Variants in TP63 observed in about 807,000 individuals in gnomAD.
The protein encoded by TP63 is tumor protein 63.
TP63 carries 17 observed loss-of-function variants against 82.8 expected under a neutral mutation model. That is an observed-to-expected ratio of 0.21 (90% confidence interval 0.14 to 0.31). The LOEUF (loss-of-function observed/expected upper bound fraction) is 0.31. TP63 is among the 10% of genes least tolerant of loss of function. TP63 has a pLI of 1.00. For missense variants in TP63, 648 were observed against 895.3 expected (o/e 0.72, Z 3.52); for synonymous variants, 330 against 321.7 (o/e 1.03, Z -0.28).
chr3:189,840,907 C>A (rs924342491), intron 4 of TP63, among the ~76,000 whole-genome samples: 14 of 150,066 alleles, frequency 9.3e-5, no homozygotes, highest in African/African-American at 3.4e-4. Flanking sequence ...CAATAACCTT[C>A]TTGGGCTTTG....
At chr3:189,684,075 C>T (rs1297767125) in intron 1 of TP63, among the ~76,000 whole-genome samples, 2 of 152,090 alleles carry the variant, frequency 1.3e-5, no homozygotes, top group Non-Finnish European at 2.9e-5. Context: ...TAAGAGAAAA[C>T]CCACAGCATG....
At chr3:189,881,536 C>G (rs1228459444) in intron 10 of TP63, 2 of 984,230 alleles carry the variant, frequency 2.0e-6, no homozygotes, top group Non-Finnish European at 2.4e-6. Flanking sequence ...CACTTTTTTT[C>G]CACTAAATAC....
At chr3:189,754,446 A>G (rs918151827) in intron 3 of TP63, among the ~76,000 whole-genome samples, 4 of 152,170 alleles carry the variant, frequency 2.6e-5, no homozygotes, top group Admixed American at 6.5e-5. Flanking sequence ...ATCTTTAAAT[A>G]GATATTAAAC....
At chr3:189,599,003 A>G in the TP63 span, among the ~76,000 whole-genome samples, 761 of 152,342 alleles carry the variant, frequency 5.0e-3, 5 homozygotes, top group Admixed American at 7.1e-3. Context: ...ACAGCAAAGC[A>G]GAGGCTGAAG....
At chr3:189,724,151 T>C (rs1719602699) in intron 1 of TP63, among the ~76,000 whole-genome samples, 2 of 152,002 alleles carry the variant, frequency 1.3e-5, no homozygotes, top group Admixed American at 6.6e-5. Flanking sequence ...GCTGTATAAA[T>C]TAAGCCATTC....
chr3:189,822,643 T>C (rs1728915502), intron 4 of TP63, among the ~76,000 whole-genome samples: 1 of 152,188 alleles, frequency 6.6e-6, no homozygotes, highest in African/African-American at 2.4e-5. Context: ...CCTTCAATAA[T>C]TGTTTCAGAA....
At chr3:189,835,069 T>C (rs1712936966) in intron 4 of TP63, among the ~76,000 whole-genome samples, 2 of 152,142 alleles carry the variant, frequency 1.3e-5, no homozygotes, top group South Asian at 4.1e-4. Context: ...ATGCAGTCCC[T>C]AATTCACTTT....
the TP63 span, among the ~76,000 whole-genome samples, chr3:189,597,826 G>A: frequency 3.3e-5 from 5 of 151,986 alleles, no homozygotes; most frequent in South Asian, 2.1e-4. Flanking sequence ...TACTCTGCAG[G>A]CTGAGTTAGG....
chr3:189,643,927 C>CT (rs1712162967), intron 1 of TP63, among the ~76,000 whole-genome samples: 1 of 152,106 alleles, frequency 6.6e-6, no homozygotes, highest in East Asian at 1.9e-4. Context: ...ATTTACTGAC[C>CT]TTTATGACAA....
At chr3:189,875,887 G>A (rs939380979) in intron 10 of TP63, among the ~76,000 whole-genome samples, 1 of 151,800 alleles carries the variant, frequency 6.6e-6, no homozygotes, top group Admixed American at 6.6e-5. Flanking sequence ...AGAAAGTGAG[G>A]CATGCCCATC....
rs145903587 is a variant in TP63, at chr3:189,743,086, A to T, written c.324+4312A>T. Among the ~76,000 whole-genome samples, 323 of 152,332 alleles carry T rather than the reference A, an allele frequency of 2.1e-3. 1 individual carries two copies. The highest frequency in any genetic ancestry group is 3.8e-3 in the Non-Finnish European group (261 of 68,020). On this transcript the variant is annotated intron_variant, in intron 3 of 13. Transcript: ENST00000264731. The stretch of plus-strand genomic sequence containing the variant: ...ACATAAACTTTAAAAATTATAATTC[A>T]TAACAAAAGCTTAATAACCCCAATA...
At chr3:189,866,615 A>C in intron 5 of TP63, 67 bp from the exon 6 acceptor site, 1 of 1,414,136 alleles carries the variant, frequency 7.1e-7, no homozygotes, top group Non-Finnish European at 9.9e-7. Flanking sequence ...CTGTTCATGC[A>C]ATTTCATTTT....
chr3:189,757,552 G>A (rs563445133), intron 3 of TP63, among the ~76,000 whole-genome samples: 2 of 152,286 alleles, frequency 1.3e-5, no homozygotes, highest in East Asian at 3.9e-4. Flanking sequence ...TTTAGACTGT[G>A]TTAAATTTGG....
Position 189,895,730 on chromosome 3 carries a change from T to A in TP63, c.*1228T>A. The A allele has an allele frequency of 4.4e-6, 1 of 229,002 alleles. No homozygotes were observed. The highest frequency in any genetic ancestry group is 8.7e-6 in the Non-Finnish European group (1 of 115,548). The allele number at this position is 229,002 out of a possible 1,614,324, so 14.2% of individuals were successfully genotyped here. ...TGGTAAATGTTTCTTTTAAAGACCC[T>A]CCTATTCTATAAAACTCTGCATGTA... On this transcript the variant is annotated 3_prime_UTR_variant, in exon 14 of 14. Transcript: ENST00000264731.
At chr3:189,706,467 G>C (rs927568086) in intron 1 of TP63, among the ~76,000 whole-genome samples, 4 of 152,092 alleles carry the variant, frequency 2.6e-5, no homozygotes, top group Admixed American at 1.3e-4. Context: ...TGTTGGCCAG[G>C]CTGGTCTCGA....
At chr3:189,744,165 T>C (rs1013349552) in intron 3 of TP63, among the ~76,000 whole-genome samples, 2 of 152,132 alleles carry the variant, frequency 1.3e-5, no homozygotes, top group South Asian at 2.1e-4. Flanking sequence ...AGAGCCACAG[T>C]CAGTGACCCC....
At chr3:189,677,420 G>A (rs10049471) in intron 1 of TP63, among the ~76,000 whole-genome samples, 75,483 of 142,136 alleles carry the variant, frequency 0.53, 20,044 homozygotes, top group African/African-American at 0.68. Flanking sequence ...ATATATACAC[G>A]TATACATATA....
chr3:189,621,589 A>AT, the TP63 span, among the ~76,000 whole-genome samples: 1 of 9,918 alleles, frequency 1.0e-4, no homozygotes, highest in Non-Finnish European at 2.3e-3. Flanking sequence ...ACATATACAC[A>AT]TATACACATA....
chr3:189,821,728 G>A (rs978999501), intron 4 of TP63, among the ~76,000 whole-genome samples: 8 of 152,052 alleles, frequency 5.3e-5, no homozygotes, highest in African/African-American at 1.9e-4. Context: ...TTTGACATTG[G>A]AATTTAGACT....
Sources: gnomAD v4.1 joint callset for allele counts (sites outside exome capture counted in the v4.1 genomes callset) on GRCh38, gnomAD v4.1.1 for gene constraint, MANE v1.5 for transcripts, NCBI Gene and HGNC (gene_info 2026-07-23, HGNC 2026-07-21) for gene names.